Variants in NOD1 observed in about 807,000 individuals in gnomAD.
NOD1 encodes the protein nucleotide binding oligomerization domain containing 1, also known as nucleotide-binding oligomerization domain-containing protein 1.
In NOD1, 70 loss-of-function variants were observed where a neutral mutation model predicts 81.2. The observed-to-expected ratio is 0.86, with a 90% CI of 0.71 to 1.05. The LOEUF (loss-of-function observed/expected upper bound fraction) is 1.05. Ranked by LOEUF, NOD1 falls within the 50% of genes least tolerant of loss-of-function variation. The pLI is 0.00. For missense variants in NOD1, 1,233 were observed against 1,228.0 expected (o/e 1.00, Z -0.06); for synonymous variants, 508 against 526.9 (o/e 0.96, Z 0.49).
intron 13 of NOD1, among the ~76,000 whole-genome samples, chr7:30,428,231 G>A (rs1044892489): frequency 3.3e-5 from 5 of 151,964 alleles, no homozygotes; most frequent in African/African-American, 9.7e-5. Context: ...GCACCATGTC[G>A]GGCTAATTTT....
intron 1 of NOD1, among the ~76,000 whole-genome samples, chr7:30,475,368 G>A (rs1001623682): frequency 6.6e-6 from 1 of 152,134 alleles, no homozygotes; most frequent in African/African-American, 2.4e-5. Flanking sequence ...ATCTTAATCT[G>A]CCAAAATCTG....
Position 30,456,623 on chromosome 7 carries a change from A to G in NOD1, c.201+98T>C. ...CCCAAAATGCAGCCCTGCCCGCTGG[A>G]CTAAACTCCCACGCTCTTCACTCAG... On this transcript the variant is annotated intron_variant, in intron 4 of 13. Coordinates refer to ENST00000222823, the MANE Select transcript of NOD1 (RefSeq NM_006092.4). The G allele has an allele frequency of 3.7e-6, 4 of 1,079,534 alleles. No individual in the cohort carries two copies. The South Asian group carries it at 5.2e-5, about 14-fold the overall frequency. 66.9% of individuals were successfully genotyped at this position (1,079,534 alleles called of 1,614,324 possible).
intron 1 of NOD1, among the ~76,000 whole-genome samples, chr7:30,470,205 C>T (rs730361): frequency 0.15 from 23,447 of 152,246 alleles, 2,062 homozygotes; most frequent in Admixed American, 0.23. Flanking sequence ...ATAATAACTG[C>T]ACCTACTCCA....
At chr7:30,448,229 G>T in intron 7 of NOD1, 69 bp downstream of exon 7, 1 of 1,270,632 alleles carries the variant, frequency 7.9e-7, no homozygotes, top group Non-Finnish European at 1.2e-6. Context: ...GGACCTATGG[G>T]AATGTGAATT....
intron 5 of NOD1, 146 bp from the exon 6 acceptor site, chr7:30,453,186 A>T (rs1785977435): frequency 2.5e-6 from 2 of 798,414 alleles, no homozygotes; most frequent in South Asian, 3.7e-5. Context: ...CACTCCTCAG[A>T]TGCAGGACCT....
At chr7:30,446,258 C>A in intron 8 of NOD1, 34 bp from the exon 9 acceptor site, 1 of 1,525,186 alleles carries the variant, frequency 6.6e-7, no homozygotes, top group African/African-American at 1.4e-5. Flanking sequence ...CAGCCTCCAG[C>A]TATGCAGGGG....
rs1275630945 is a variant in NOD1 at position 30,478,657 on chromosome 7, C to T, written c.-403G>A. 6.6e-6 allele frequency: 1 copy of T among 152,440 alleles called. No homozygotes were observed. Among genetic ancestry groups the T allele is most frequent in the Non-Finnish European group, 1.5e-5 (1 of 68,218 alleles). 9.4% of individuals were successfully genotyped at this position (152,440 alleles called of 1,614,324 possible). On this transcript the variant is annotated 5_prime_UTR_variant, in exon 1 of 14. Transcript: ENST00000222823. The surrounding 1 kb of genome is among the most constrained non-coding windows in gnomAD (Gnocchi z 4.1). ...AGCCGCTGAGAGCTAGAGAAGAGCCCGGAGAGCGCCATGGTCCGGGGACGC... is the reference window on the plus strand; with the variant it reads ...AGCCGCTGAGAGCTAGAGAAGAGCCTGGAGAGCGCCATGGTCCGGGGACGC...
At chr7:30,431,252 G>C (rs1392990480) in intron 12 of NOD1, among the ~76,000 whole-genome samples, 3 of 152,060 alleles carry the variant, frequency 2.0e-5, no homozygotes, top group African/African-American at 7.2e-5. Context: ...AGGCTAAAAA[G>C]GAAAGAAAAA....
intron 1 of NOD1, among the ~76,000 whole-genome samples, chr7:30,471,564 C>A (rs1330551886): frequency 6.8e-6 from 1 of 147,188 alleles, no homozygotes; most frequent in East Asian, 2.0e-4. Context: ...CTCTCAAGTG[C>A]ACACAAATGA....
rs188513061 is a variant in NOD1, at chr7:30,427,442, G to A, written c.2790-1732C>T. Among the ~76,000 whole-genome samples, 527 of 152,266 alleles carry A rather than the reference G, an allele frequency of 3.5e-3. 17 individuals carry two copies. Among genetic ancestry groups the A allele is most frequent in the Admixed American group, 0.028 (426 of 15,290 alleles). On this transcript the variant is annotated intron_variant, in intron 13 of 13. Transcript: ENST00000222823. ...AGCTGCTCCCTGAACGTGGCTCCCC[G>A]GCCAGCTCAACCACAACCCTGTGGC...
chr7:30,452,074 C>A lies in NOD1; in HGVS notation c.1343G>T (p.Ser448Ile). Residue 448 changes from serine to isoleucine, a missense_variant, in exon 6 of 14, where the codon AGC becomes ATC. Transcript: ENST00000222823. ...GCCGGCGTGGAGGGTCTCCACTGGG[C>A]TGCGTGTGTTCCGCTGCACCAGGCT... The part of the protein sequence containing the change: ...PSSLVQRNTR[S>I]PVETLHAGRD... The A allele has an allele frequency of 1.2e-6, 2 of 1,613,688 alleles. No homozygotes were observed. The highest frequency in any genetic ancestry group is 8.5e-7 in the Non-Finnish European group (1 of 1,180,010).
chr7:30,455,006 T>C (rs2075819), intron 5 of NOD1, 131 bp downstream of exon 5: 252,200 of 851,424 alleles, frequency 0.3, 40,280 homozygotes, highest in African/African-American at 0.48. Context: ...ATTCAGCTGT[T>C]CCTTTCTAAA....
At chr7:30,448,450 A>C in intron 6 of NOD1, 69 bp from the exon 7 acceptor site, 1 of 1,309,598 alleles carries the variant, frequency 7.6e-7, no homozygotes, top group Non-Finnish European at 1.1e-6. Context: ...TTAATCTTAC[A>C]AAGATCCAGA....
chr7:30,465,808 C>G (rs1787636289), intron 1 of NOD1, among the ~76,000 whole-genome samples: 1 of 152,212 alleles, frequency 6.6e-6, no homozygotes, highest in South Asian at 2.1e-4. Context: ...AGAGTTACAA[C>G]CCAGCGTTTT....
rs1785735768 is a variant in NOD1 at position 30,451,715 on chromosome 7, G to C, written c.1702C>G (p.Leu568Val). 2 of 1,613,944 alleles carry C rather than the reference G, an allele frequency of 1.2e-6. No individual in the cohort carries two copies. Among genetic ancestry groups the C allele is most frequent in the Non-Finnish European group, 1.7e-6 (2 of 1,180,040 alleles). The part of the protein sequence containing the change: ...CYPPFLPFQC[L>V]QGSGPAREDL... ...TCCCGCGCCGGACCACTGCCCTGCA[G>C]GCACTGGAACGGGAGGAAGGGAGGA... Residue 568 changes from leucine to valine, a missense_variant, in exon 6 of 14, where the codon CTG becomes GTG. Physicochemically the swap from Leu to Val is conservative, Grantham distance 32. Coordinates refer to ENST00000222823, the MANE Select transcript of NOD1 (RefSeq NM_006092.4). The surrounding 1 kb of genome is among the most constrained non-coding windows in gnomAD (Gnocchi z 4.2).
Position 30,455,245 on chromosome 7 carries a change from G to T in NOD1, c.268C>A (p.Leu90Ile). The change falls in exon 5 of 14, where the codon CTC becomes ATC. Residue 90 changes from leucine (L) to isoleucine (I), a missense_variant. Coordinates refer to ENST00000222823, the MANE Select transcript of NOD1 (RefSeq NM_006092.4). ...ACGTAGGCATCTGCGAGTTGCTGGA[G>T]CAAGTAGAGGAAGAACTCGGACACC... ...EEVSEFFLYL[L>I]QQLADAYVDL... The T allele has an allele frequency of 6.2e-7, 1 of 1,614,188 alleles. No homozygotes were observed. Among genetic ancestry groups the T allele is most frequent in the Non-Finnish European group, 8.5e-7 (1 of 1,180,034 alleles).
chr7:30,452,172 G>C lies in NOD1; in HGVS notation c.1245C>G (p.Pro415=). The C allele has an allele frequency of 6.2e-7, 1 of 1,613,970 alleles. No homozygotes were observed. Among genetic ancestry groups the C allele is most frequent in the Non-Finnish European group, 8.5e-7 (1 of 1,180,018 alleles). The change falls in exon 6 of 14, where the codon CCC becomes CCG. Residue 415 remains proline (P), a synonymous_variant. Transcript: ENST00000222823. The part of the protein sequence containing the change: ...RAAFEGSPQL[P]DCTMTLTDVF... The stretch of plus-strand genomic sequence containing the variant: ...CATCTGTCAGGGTCATCGTGCAGTC[G>C]GGCAGCTGTGGTGAGCCTTCAAAGG...
intron 13 of NOD1, among the ~76,000 whole-genome samples, chr7:30,429,029 G>C (rs1318065073): frequency 6.6e-6 from 1 of 152,214 alleles, no homozygotes; most frequent in African/African-American, 2.4e-5. Context: ...TCTCTCAATT[G>C]CTGAGTCCCA....
Position 30,452,960 on chromosome 7 carries a change from G to A in NOD1, c.457C>T (p.Leu153=). The change falls in exon 6 of 14, where the codon CTG becomes TTG. Residue 153 remains leucine, a synonymous_variant. Transcript: ENST00000222823. ...TCCATGTAGATCTCCTCCAGCAGCA[G>A]CTCCTCCTTCTGGGCATAGCACAGC... ...FVLCYAQKEE[L]LLEEIYMDTI... The A allele has an allele frequency of 6.2e-7, 1 of 1,613,118 alleles. No homozygotes were observed. Among genetic ancestry groups the A allele is most frequent in the Non-Finnish European group, 8.5e-7 (1 of 1,179,690 alleles).
Sources: gnomAD v4.1 joint callset for allele counts (sites outside exome capture counted in the v4.1 genomes callset) on GRCh38, gnomAD v4.1.1 for gene constraint, Gnocchi (gnomAD v3.1) non-coding constraint, MANE v1.5 for transcripts, NCBI Gene and HGNC (gene_info 2026-07-23, HGNC 2026-07-21) for gene names.